DNM2: variants seen among roughly 807,000 people sequenced by gnomAD.
DNM2 encodes dynamin 2.
A neutral mutation model predicts 99.0 loss-of-function variants in DNM2; 15 were observed. The observed-to-expected ratio is 0.15, with a 90% CI of 0.10 to 0.23. The LOEUF (loss-of-function observed/expected upper bound fraction) is 0.23, where lower values mean the gene tolerates loss of function less well. Ranked by LOEUF, DNM2 falls within the 10% of genes least tolerant of loss-of-function variation. The pLI, the probability that DNM2 is intolerant of heterozygous loss-of-function variation, is 1.00. For synonymous variants in DNM2, 525 were observed against 481.2 expected, an observed-to-expected ratio of 1.09 and a Z score of -1.19; for missense variants, 742 against 1,189.4, an observed-to-expected ratio of 0.62 and a Z score of 5.53.
At chr19:10,745,030 T>C (rs910665905) in intron 1 of DNM2, among the ~76,000 whole-genome samples, 3 of 152,132 alleles carry the variant, frequency 2.0e-5, no homozygotes, top group Non-Finnish European at 4.4e-5. Flanking sequence ...AAAAAAGTTA[T>C]AAAAGCCTGA....
chr19:10,752,258 G>T (rs1423802667), intron 1 of DNM2, among the ~76,000 whole-genome samples: 1 of 152,182 alleles, frequency 6.6e-6, no homozygotes, highest in East Asian at 1.9e-4. Context: ...GGGGTACTAT[G>T]AATTAAAAGA....
chr19:10,774,346 A>G lies in DNM2; in HGVS notation c.386-1357A>G, dbSNP rs184854051. Among the ~76,000 whole-genome samples, 370 of 152,354 alleles carry G rather than the reference A, an allele frequency of 2.4e-3. 4 individuals are homozygous for G. Among genetic ancestry groups the G allele is most frequent in the African/African-American group, 8.4e-3 (349 of 41,582 alleles). On this transcript the variant is annotated intron_variant, in intron 3 of 20. Coordinates refer to ENST00000389253, the MANE Select transcript of DNM2 (RefSeq NM_001005361.3). Reference sequence around the variant, plus strand: ...AAAATGTGTAAGCAAAAAACATGTAAGCAATTGTGATTGTATCTATGTATA... The same window carrying G: ...AAAATGTGTAAGCAAAAAACATGTAGGCAATTGTGATTGTATCTATGTATA...
At chr19:10,731,711 G>C (rs984321501) in intron 1 of DNM2, among the ~76,000 whole-genome samples, 1 of 152,316 alleles carries the variant, frequency 6.6e-6, no homozygotes, top group Admixed American at 6.5e-5. Flanking sequence ...GAGGCCACGA[G>C]CCACTGGCTC....
At chr19:10,739,970 A>G (rs929427279) in intron 1 of DNM2, among the ~76,000 whole-genome samples, 4 of 149,410 alleles carry the variant, frequency 2.7e-5, no homozygotes, top group African/African-American at 7.4e-5. Flanking sequence ...TTGTACATCT[A>G]TTGAGTTTTT....
At position 10,802,350 on chromosome 19, in the gene DNM2, G is replaced by A. The variant is rs1272308250; in HGVS notation, c.1485G>A (p.Gly495=). The part of the protein sequence containing the change: ...YINTNHEDFI[G]FANAQQRSTQ... The stretch of plus-strand genomic sequence containing the variant: ...ACACGAACCATGAGGACTTCATCGG[G>A]TTTGCCAAGTAGGTACTTTTAGAGA... The change falls in exon 12 of 21, where the codon GGG becomes GGA. Residue 495 remains glycine (G), a synonymous_variant. Coordinates refer to ENST00000389253, the MANE Select transcript of DNM2 (RefSeq NM_001005361.3). 5 of 1,614,172 alleles carry A rather than the reference G, an allele frequency of 3.1e-6. No homozygotes were observed. The highest frequency in any genetic ancestry group is 1.1e-5 in the South Asian group (1 of 91,090).
Position 10,823,784 on chromosome 19 carries a change from G to C in DNM2, c.1782-4G>C, listed in dbSNP as rs767424969. On this transcript the variant is annotated splice_polypyrimidine_tract_variant and splice_region_variant and intron_variant, in intron 16 of 20. Transcript: ENST00000389253. ...TGTGCCCCTCCTTCCCCACCCCCCC[G>C]CAGAAACGTCTACAAGGACCTGCGG... The C allele has an allele frequency of 2.0e-5, 33 of 1,609,776 alleles. No individual in the cohort carries two copies. Among genetic ancestry groups the C allele is most frequent in the Admixed American group, 6.7e-5 (4 of 59,906 alleles).
At position 10,806,916 on chromosome 19, in the gene DNM2, T is replaced by G. The variant is rs929174830; in HGVS notation, c.1545+949T>G. Reference sequence around the variant, plus strand: ...CCCCTAGGTGAGAGCCGCTGGAAACTACATTGTCACTAGCAGCTCAGGGGA... The same window carrying G: ...CCCCTAGGTGAGAGCCGCTGGAAACGACATTGTCACTAGCAGCTCAGGGGA... On this transcript the variant is annotated intron_variant, in intron 13 of 20. Coordinates refer to ENST00000389253, the MANE Select transcript of DNM2 (RefSeq NM_001005361.3). Among the ~76,000 whole-genome samples, 40 of 152,092 alleles carry G rather than the reference T, an allele frequency of 2.6e-4. 1 individual carries two copies. Among genetic ancestry groups the G allele is most frequent in the Non-Finnish European group, 2.9e-5 (2 of 68,012 alleles).
At chr19:10,786,112 T>C (rs1436740710) in intron 6 of DNM2, among the ~76,000 whole-genome samples, 1 of 152,240 alleles carries the variant, frequency 6.6e-6, no homozygotes, top group East Asian at 1.9e-4. Flanking sequence ...CATTTGTCTA[T>C]TTTGAATCTT....
At chr19:10,806,843 G>A (rs1314494799) in intron 13 of DNM2, among the ~76,000 whole-genome samples, 1 of 151,950 alleles carries the variant, frequency 6.6e-6, no homozygotes. Flanking sequence ...CTTGAGCGGG[G>A]GTCTGTGACC....
rs1272471281 is a variant in DNM2 at position 10,817,618 on chromosome 19, G to A, written c.1672-2362G>A. 7.1e-6 allele frequency: 2 copies of A among 283,070 alleles called. No homozygotes were observed. The highest frequency in any genetic ancestry group is 1.1e-4 in the Admixed American group (2 of 18,672). The allele number at this position is 283,070 out of a possible 1,614,324, so 17.5% of individuals were successfully genotyped here. On this transcript the variant is annotated intron_variant, in intron 15 of 20. Transcript: ENST00000389253. This position sits in a 1 kb window ranked among gnomAD's most constrained non-coding sequence, Gnocchi z 4.6. ...CACTCTTCCCGAGACGATCCGCTCT[G>A]TCCCTTCTGACGTGGCAAGGCTGGG...
Position 10,811,859 on chromosome 19 carries a change from C to A in DNM2, c.1558-405C>A, listed in dbSNP as rs1371548755. 1 of 505,232 alleles carries A rather than the reference C, an allele frequency of 2.0e-6. No individual in the cohort carries two copies. The highest frequency in any genetic ancestry group is 3.9e-6 in the Non-Finnish European group (1 of 253,932). The allele number at this position is 505,232 out of a possible 1,614,324, so 31.3% of individuals were successfully genotyped here. On this transcript the variant is annotated intron_variant, in intron 14 of 20. Coordinates refer to ENST00000389253, the MANE Select transcript of DNM2 (RefSeq NM_001005361.3). This position sits in a 1 kb window ranked among gnomAD's most constrained non-coding sequence, Gnocchi z 5.4. ...TCCTTGGGGAGGGCCCCTGGGCTCA[C>A]ACCTTTGACCCTAGCCCTCTGTGTG...
In DNM2 at chr19:10,830,673, ACCTTCTTCT is replaced by A; in HGVS notation, c.2544-299_2544-291del. The A allele has an allele frequency of 1.7e-6, 1 of 576,258 alleles. No homozygotes were observed. Among genetic ancestry groups the A allele is most frequent in the East Asian group, 3.0e-5 (1 of 33,882 alleles). 35.7% of individuals were successfully genotyped at this position (576,258 alleles called of 1,614,324 possible). On this transcript the variant is annotated intron_variant, in intron 20 of 20. Transcript: ENST00000389253. The surrounding 1 kb of genome is among the most constrained non-coding windows in gnomAD (Gnocchi z 4.8). ...CACTGGGCACCTCCTCCCACTGTTT[ACCTTCTTCT>A]CCTTCCTGCTCCTGCCTGCCTCAAC...
intron 12 of DNM2, among the ~76,000 whole-genome samples, chr19:10,802,750 C>A (rs906198736): frequency 6.6e-6 from 1 of 152,198 alleles, no homozygotes; most frequent in African/African-American, 2.4e-5. Context: ...CTCAGGGCTC[C>A]GGAAGCTGCT....
rs1764204890 is a variant in DNM2, at chr19:10,830,040, C to T, written c.2292-87C>T. ...CCTGCGCTGTCCCCATAGCCAGCCC[C>T]CACCTCAGGTTCTGGCAGCCACAGT... On this transcript the variant is annotated intron_variant, in intron 19 of 20. Transcript: ENST00000389253. This position sits in a 1 kb window ranked among gnomAD's most constrained non-coding sequence, Gnocchi z 4.8. The T allele has an allele frequency of 1.9e-6, 3 of 1,592,052 alleles. No homozygotes were observed. Among genetic ancestry groups the T allele is most frequent in the Non-Finnish European group, 2.6e-6 (3 of 1,160,144 alleles).
At chr19:10,782,733 G>A (rs914533622) in intron 5 of DNM2, among the ~76,000 whole-genome samples, 6 of 152,114 alleles carry the variant, frequency 3.9e-5, no homozygotes, top group African/African-American at 9.7e-5. Context: ...CTGTCCCTGC[G>A]CACACAGGCT....
At chr19:10,733,963 G>A (rs756797852) in intron 1 of DNM2, among the ~76,000 whole-genome samples, 4 of 151,320 alleles carry the variant, frequency 2.6e-5, no homozygotes, top group Non-Finnish European at 5.9e-5. Context: ...AGCCGAGATC[G>A]CGCCACTGTA....
chr19:10,724,386 C>CCAGTTTCACCATGTTAGT (rs1401527697), intron 1 of DNM2, among the ~76,000 whole-genome samples: 3 of 152,230 alleles, frequency 2.0e-5, no homozygotes, highest in Admixed American at 2.0e-4. Context: ...ACCATGTTAG[C>CCAGTTTCACCATGTTAGT]CAGGATGGTC....
chr19:10,746,203 C>T (rs1017633860), intron 1 of DNM2, among the ~76,000 whole-genome samples: 1 of 152,050 alleles, frequency 6.6e-6, no homozygotes, highest in African/African-American at 2.4e-5. Context: ...TCAGGTGATC[C>T]ACCCACCTCG....
chr19:10,760,827 A>ATTTTTTTTTTTTTTT (rs57290103), intron 2 of DNM2, among the ~76,000 whole-genome samples: 21,306 of 40,598 alleles, frequency 0.52, 9,245 homozygotes, highest in Non-Finnish European at 0.56. Context: ...CACCCAGCTG[A>ATTTTTTTTTTTTTTT]TTTTTTTTTT....
Sources: gnomAD v4.1 joint callset for allele counts (sites outside exome capture counted in the v4.1 genomes callset) on GRCh38, gnomAD v4.1.1 for gene constraint, Gnocchi (gnomAD v3.1) non-coding constraint, MANE v1.5 for transcripts, NCBI Gene and HGNC (gene_info 2026-07-23, HGNC 2026-07-21) for gene names.